ADAM12: variants seen among roughly 807,000 people sequenced by gnomAD.
ADAM12 encodes the protein ADAM metallopeptidase domain 12, also known as disintegrin and metalloproteinase domain-containing protein 12.
In ADAM12, 70 loss-of-function variants were observed where a neutral mutation model predicts 106.4. The observed-to-expected ratio is 0.66, with a 90% CI of 0.54 to 0.80. The LOEUF is 0.80. ADAM12 is among the 30% of genes least tolerant of loss of function. The pLI is 0.00. For synonymous variants in ADAM12, 420 were observed against 433.5 expected (o/e 0.97, Z 0.39); for missense variants, 1,010 against 1,171.9 (o/e 0.86, Z 2.02).
At chr10:126,355,263 G>A (rs572232037) in intron 1 of ADAM12, among the ~76,000 whole-genome samples, 1 of 152,196 alleles carries the variant, frequency 6.6e-6, no homozygotes, top group African/African-American at 2.4e-5. Flanking sequence ...AAAAGGAATA[G>A]TGTTGATTAA....
At chr10:126,306,494 C>T (rs939679498) in intron 2 of ADAM12, among the ~76,000 whole-genome samples, 4 of 152,106 alleles carry the variant, frequency 2.6e-5, no homozygotes, top group Admixed American at 6.5e-5. Flanking sequence ...TAGTTCTATG[C>T]TTCTATCTGG....
At chr10:126,216,211 A>G (rs549702086) in intron 3 of ADAM12, among the ~76,000 whole-genome samples, 80 of 152,336 alleles carry the variant, frequency 5.3e-4, no homozygotes, top group African/African-American at 1.9e-3. Context: ...TAAGGGTCCC[A>G]ATCCTCACTC....
At chr10:126,162,618 A>G (rs1290166955) in intron 3 of ADAM12, among the ~76,000 whole-genome samples, 1 of 152,090 alleles carries the variant, frequency 6.6e-6, no homozygotes, top group African/African-American at 2.4e-5. Context: ...TGAGACTTGG[A>G]GGGGAAAGAG....
chr10:126,193,766 G>A (rs533016445), intron 3 of ADAM12, among the ~76,000 whole-genome samples: 20 of 152,220 alleles, frequency 1.3e-4, no homozygotes, highest in Non-Finnish European at 2.4e-4. Flanking sequence ...ATGTGGTGGC[G>A]TGCGCCTGTA....
At chr10:126,343,599 G>A (rs962567362) in intron 1 of ADAM12, among the ~76,000 whole-genome samples, 4 of 152,140 alleles carry the variant, frequency 2.6e-5, no homozygotes, top group East Asian at 1.9e-4. Flanking sequence ...CTGAGGAATC[G>A]CCACACCATC....
intron 1 of ADAM12, among the ~76,000 whole-genome samples, chr10:126,339,847 CTTTTTTTTTTTT>C (rs146232567): frequency 1.3e-5 from 1 of 75,710 alleles, no homozygotes; most frequent in African/African-American, 5.4e-5. Context: ...CATTCTAGGG[CTTTTTTTTTTTT>C]TTTTTTTTTT....
chr10:126,058,270 G>C (rs1001449189), intron 14 of ADAM12, among the ~76,000 whole-genome samples: 1 of 152,242 alleles, frequency 6.6e-6, no homozygotes, highest in African/African-American at 2.4e-5. Flanking sequence ...TAGCAGATGT[G>C]TTCCAAGAAC....
intron 13 of ADAM12, 29 bp from the exon 14 acceptor site, chr10:126,065,030 T>A (rs375438918): frequency 6.3e-7 from 1 of 1,585,074 alleles, no homozygotes; most frequent in Non-Finnish European, 8.6e-7. Context: ...TTATGACACA[T>A]GCACCCGGGG....
chr10:126,329,014 C>G (rs893004851), intron 2 of ADAM12, among the ~76,000 whole-genome samples: 1 of 152,012 alleles, frequency 6.6e-6, no homozygotes, highest in Non-Finnish European at 1.5e-5. Flanking sequence ...TCCACCCCAG[C>G]GGCAGGCCCA....
intron 1 of ADAM12, among the ~76,000 whole-genome samples, chr10:126,354,090 T>C (rs1025611834): frequency 1.3e-5 from 2 of 152,172 alleles, no homozygotes; most frequent in African/African-American, 2.4e-5. Flanking sequence ...GACTTATTTT[T>C]TCATTGATAC....
rs540159195 is a variant in ADAM12, at chr10:126,014,750, T to C, written c.*2529A>G. 1.3e-5 allele frequency: 2 copies of C among 152,244 alleles called. No individual in the cohort carries two copies. The highest frequency in any genetic ancestry group is 4.8e-5 in the African/African-American group (2 of 41,534). 9.4% of individuals were successfully genotyped at this position (152,244 alleles called of 1,614,324 possible). The stretch of plus-strand genomic sequence containing the variant: ...GGAAGAAAAGTAGCCTCTGGGCTAC[T>C]TTGTGTCTAGTCACATTGACTTTCC... On this transcript the variant is annotated 3_prime_UTR_variant, in exon 23 of 23. Transcript: ENST00000448723.
rs1026031141 is a variant in ADAM12 at position 126,220,991 on chromosome 10, T to A, written c.260+57924A>T. 3.3e-5 allele frequency among the ~76,000 whole-genome samples: 5 copies of A among 152,210 alleles called. 1 individual carries two copies. The highest frequency in any genetic ancestry group is 5.9e-5 in the Non-Finnish European group (4 of 68,034). ...CCCCGTTAGGGGACGAAACAAAGCC[T>A]CTCCACATCATTGGGGCACTTGATG... On this transcript the variant is annotated intron_variant, in intron 3 of 22. Transcript: ENST00000448723.
At chr10:126,282,214 A>G (rs551920401) in intron 2 of ADAM12, among the ~76,000 whole-genome samples, 2 of 152,258 alleles carry the variant, frequency 1.3e-5, no homozygotes, top group Admixed American at 1.3e-4. Flanking sequence ...ATCTCTTCTT[A>G]TAAGGACACC....
At position 126,129,056 on chromosome 10, in the gene ADAM12, C is replaced by T. The variant is rs146954658; in HGVS notation, c.416+6528G>A. 1.5e-3 allele frequency among the ~76,000 whole-genome samples: 223 copies of T among 152,332 alleles called. 1 individual carries two copies. Among genetic ancestry groups the T allele is most frequent in the Middle Eastern group, 0.014 (4 of 294 alleles). ...ATGATGACAACCAGTCTCTAGTGTA[C>T]GATCTGATCGAGATACCACTTCCTC... is the stretch of plus-strand genomic sequence containing the variant. On this transcript the variant is annotated intron_variant, in intron 5 of 22. Coordinates refer to ENST00000448723, the MANE Select transcript of ADAM12 (RefSeq NM_001288973.2).
intron 3 of ADAM12, among the ~76,000 whole-genome samples, chr10:126,277,131 A>G (rs894258758): frequency 2.0e-5 from 3 of 152,248 alleles, no homozygotes; most frequent in African/African-American, 7.2e-5. Flanking sequence ...ATCCATCTAT[A>G]TAATTCACCA....
At chr10:126,067,545 C>T (rs566506861) in intron 12 of ADAM12, among the ~76,000 whole-genome samples, 10 of 152,360 alleles carry the variant, frequency 6.6e-5, no homozygotes, top group African/African-American at 2.2e-4. Context: ...GTGCTCCACA[C>T]GTACCCATTG....
intron 2 of ADAM12, among the ~76,000 whole-genome samples, chr10:126,296,502 C>T (rs1162867847): frequency 1.3e-5 from 2 of 152,106 alleles, no homozygotes; most frequent in Admixed American, 1.3e-4. Flanking sequence ...CATTTCTTCC[C>T]CCAAACACAT....
chr10:126,149,671 C>T (rs1483046211), intron 4 of ADAM12, among the ~76,000 whole-genome samples: 1 of 152,172 alleles, frequency 6.6e-6, no homozygotes, highest in Non-Finnish European at 1.5e-5. Context: ...CTGGCCTTTA[C>T]CTTTCTCCCG....
At chr10:126,378,828 G>A (rs1402054745) in intron 1 of ADAM12, among the ~76,000 whole-genome samples, 1 of 152,158 alleles carries the variant, frequency 6.6e-6, no homozygotes, top group Non-Finnish European at 1.5e-5. Flanking sequence ...AATGAATGAT[G>A]GGGCCAGATT....
Sources: gnomAD v4.1 joint callset for allele counts (sites outside exome capture counted in the v4.1 genomes callset) on GRCh38, gnomAD v4.1.1 for gene constraint, MANE v1.5 for transcripts, NCBI Gene and HGNC (gene_info 2026-07-23, HGNC 2026-07-21) for gene names.